ST6GALNAC3: variants seen among roughly 807,000 people sequenced by gnomAD.
ST6GALNAC3 encodes alpha-N-acetylgalactosaminide alpha-2,6-sialyltransferase 3.
ST6GALNAC3 carries 25 observed loss-of-function variants against 32.7 expected under a neutral mutation model. The observed-to-expected ratio is 0.76, with a 90% CI of 0.56 to 1.07. The LOEUF (loss-of-function observed/expected upper bound fraction) is 1.07, where lower values mean the gene tolerates loss of function less well. Ranked by LOEUF, ST6GALNAC3 falls within the 50% of genes least tolerant of loss-of-function variation. The pLI is 0.00. For missense variants in ST6GALNAC3, 355 were observed against 382.4 expected (o/e 0.93, Z 0.60); for synonymous variants, 129 against 133.1 (o/e 0.97, Z 0.21).
intron 2 of ST6GALNAC3, among the ~76,000 whole-genome samples, chr1:76,320,667 G>T (rs1646948378): frequency 6.6e-6 from 1 of 151,964 alleles, no homozygotes. Flanking sequence ...GCATTCATTG[G>T]GTAATTATGA....
At chr1:76,232,285 G>T (rs1367504334) in intron 1 of ST6GALNAC3, among the ~76,000 whole-genome samples, 1 of 152,222 alleles carries the variant, frequency 6.6e-6, no homozygotes, top group Non-Finnish European at 1.5e-5. Flanking sequence ...TTTATCCATT[G>T]TATGGTGGCC....
At chr1:76,518,695 C>T (rs1438297155) in intron 3 of ST6GALNAC3, among the ~76,000 whole-genome samples, 1 of 152,068 alleles carries the variant, frequency 6.6e-6, no homozygotes, top group Admixed American at 6.6e-5. Context: ...TTAAAATGAT[C>T]ATCAACATAT....
intron 4 of ST6GALNAC3, 62 bp from the exon 5 acceptor site, chr1:76,628,558 T>C (rs1395403349): frequency 2.1e-6 from 3 of 1,445,906 alleles, no homozygotes; most frequent in African/African-American, 2.9e-5. Context: ...TGGATTCTTG[T>C]AAATGAGTGC....
At chr1:76,227,258 A>G (rs1656128132) in intron 1 of ST6GALNAC3, among the ~76,000 whole-genome samples, 1 of 152,184 alleles carries the variant, frequency 6.6e-6, no homozygotes, top group South Asian at 2.1e-4. Flanking sequence ...GCTGTAAACA[A>G]CCAGCATGGT....
At chr1:76,238,839 G>C (rs1233800391) in intron 1 of ST6GALNAC3, among the ~76,000 whole-genome samples, 1 of 151,992 alleles carries the variant, frequency 6.6e-6, no homozygotes, top group Admixed American at 6.6e-5. Flanking sequence ...ACAACGTCTA[G>C]GGATTTTTTT....
chr1:76,128,494 T>C (rs1201849847), intron 1 of ST6GALNAC3, among the ~76,000 whole-genome samples: 1 of 152,060 alleles, frequency 6.6e-6, no homozygotes, highest in Non-Finnish European at 1.5e-5. Flanking sequence ...ATGAGGGAAG[T>C]TTCCTGGTCC....
At chr1:76,497,400 G>C (rs1362910508) in intron 3 of ST6GALNAC3, among the ~76,000 whole-genome samples, 2 of 152,136 alleles carry the variant, frequency 1.3e-5, no homozygotes, top group Non-Finnish European at 2.9e-5. Flanking sequence ...GCAAAGTCCA[G>C]AGTTAGGTTA....
At chr1:76,124,206 A>G (rs1367019760) in intron 1 of ST6GALNAC3, among the ~76,000 whole-genome samples, 1 of 152,154 alleles carries the variant, frequency 6.6e-6, no homozygotes, top group East Asian at 1.9e-4. Flanking sequence ...TGGGCAATTC[A>G]ATTCATCTCG....
At chr1:76,544,678 A>G (rs1664184239) in intron 3 of ST6GALNAC3, among the ~76,000 whole-genome samples, 1 of 152,152 alleles carries the variant, frequency 6.6e-6, no homozygotes, top group Non-Finnish European at 1.5e-5. Context: ...TGTTAAATTT[A>G]AGGTGCCTAT....
intron 1 of ST6GALNAC3, among the ~76,000 whole-genome samples, chr1:76,175,734 T>C (rs909960704): frequency 1.1e-4 from 17 of 152,180 alleles, no homozygotes; most frequent in Admixed American, 9.2e-4. Flanking sequence ...CAGTTCTTTC[T>C]CTCTAAGCTG....
intron 1 of ST6GALNAC3, among the ~76,000 whole-genome samples, chr1:76,216,789 T>C (rs1371509615): frequency 6.6e-6 from 1 of 152,236 alleles, no homozygotes. Context: ...AGGTCAATAA[T>C]GCACAGGAAA....
intron 3 of ST6GALNAC3, among the ~76,000 whole-genome samples, chr1:76,437,008 C>T (rs191068422): frequency 8.9e-4 from 135 of 152,194 alleles, no homozygotes; most frequent in Non-Finnish European, 1.4e-3. Flanking sequence ...AGACATTCAG[C>T]CTGGGTGAGC....
chr1:76,304,423 C>T (rs1475339863), intron 1 of ST6GALNAC3, among the ~76,000 whole-genome samples: 1 of 148,156 alleles, frequency 6.7e-6, no homozygotes, highest in Admixed American at 6.7e-5. Flanking sequence ...GAACTAGAAG[C>T]CAAGGAGGAA....
intron 3 of ST6GALNAC3, among the ~76,000 whole-genome samples, chr1:76,565,378 C>G (rs1417582953): frequency 6.6e-6 from 1 of 152,092 alleles, no homozygotes; most frequent in Non-Finnish European, 1.5e-5. Context: ...ACAGTTGTCC[C>G]CCTCCCCCAG....
chr1:76,367,203 C>T (rs1172701577), intron 2 of ST6GALNAC3, among the ~76,000 whole-genome samples: 3 of 152,010 alleles, frequency 2.0e-5, no homozygotes, highest in African/African-American at 7.3e-5. Flanking sequence ...AATTTTCATA[C>T]CATAGTATAA....
chr1:76,441,937 TA>T (rs954741671), intron 3 of ST6GALNAC3, among the ~76,000 whole-genome samples: 3 of 152,218 alleles, frequency 2.0e-5, no homozygotes, highest in Admixed American at 6.5e-5. Flanking sequence ...TTAATTTCTC[TA>T]AACAATGAGT....
intron 3 of ST6GALNAC3, among the ~76,000 whole-genome samples, chr1:76,506,582 G>A (rs1015182716): frequency 6.6e-6 from 1 of 152,144 alleles, no homozygotes; most frequent in Middle Eastern, 3.2e-3. Flanking sequence ...TTCCATATTG[G>A]GGGATTTATC....
chr1:76,091,941 A>T (rs1300621678), intron 1 of ST6GALNAC3, among the ~76,000 whole-genome samples: 1 of 152,196 alleles, frequency 6.6e-6, no homozygotes, highest in Non-Finnish European at 1.5e-5. Context: ...AACACTGTGA[A>T]TCTGTTTTTT....
chr1:76,466,827 A>T (rs1324554552), intron 3 of ST6GALNAC3, among the ~76,000 whole-genome samples: 1 of 152,100 alleles, frequency 6.6e-6, no homozygotes, highest in Non-Finnish European at 1.5e-5. Flanking sequence ...AGTAAAAAGT[A>T]CTAATTATAA....
Sources: allele counts gnomAD v4.1 joint callset (sites outside exome capture counted in the v4.1 genomes callset), GRCh38; gene constraint gnomAD v4.1.1; transcripts MANE v1.5; gene names NCBI Gene and HGNC (gene_info 2026-07-23, HGNC 2026-07-21).